Variants in PXDN observed in about 807,000 individuals in gnomAD.
PXDN encodes peroxidasin.
In PXDN, 77 loss-of-function variants were observed where a neutral mutation model predicts 140.3. That is an observed-to-expected ratio of 0.55 (90% CI 0.46 to 0.66). The LOEUF (loss-of-function observed/expected upper bound fraction) is 0.66, where lower values mean the gene tolerates loss of function less well. Ranked by LOEUF, PXDN falls within the 30% of genes least tolerant of loss-of-function variation. The pLI is 0.00. For synonymous variants in PXDN, 911 were observed against 857.4 expected, an observed-to-expected ratio of 1.06 and a Z score of -1.09; for missense variants, 1,838 against 2,039.5, an observed-to-expected ratio of 0.90 and a Z score of 1.90.
chr2:1,702,151 T>G (rs1004054311), intron 1 of PXDN, among the ~76,000 whole-genome samples: 1 of 152,168 alleles, frequency 6.6e-6, no homozygotes, highest in African/African-American at 2.4e-5. Context: ...CCTTTGGCTG[T>G]GAGGGTCATT....
chr2:1,634,382 A>C (rs1312360958), intron 22 of PXDN, 59 bp from the exon 23 acceptor site: 1 of 1,517,176 alleles, frequency 6.6e-7, no homozygotes, highest in Admixed American at 2.0e-5. Context: ...AGGTGAGCAA[A>C]GCCTGTCAGC....
At chr2:1,694,432 G>C (rs1288172359) in intron 1 of PXDN, among the ~76,000 whole-genome samples, 1 of 152,216 alleles carries the variant, frequency 6.6e-6, no homozygotes, top group East Asian at 1.9e-4. Flanking sequence ...CTAGATGTCA[G>C]TGAATGAAAT....
chr2:1,692,821 C>T (rs1019644163), intron 2 of PXDN, among the ~76,000 whole-genome samples: 5 of 152,168 alleles, frequency 3.3e-5, no homozygotes, highest in African/African-American at 1.2e-4. Context: ...ACAAGCTTAG[C>T]GGTCAGCATG....
Position 1,687,848 on chromosome 2 carries a change from A to T in PXDN, c.345-145T>A, listed in dbSNP as rs1684096878. ...CAAACAAACCATCTGCACGGTGAGT[A>T]CAGTGCCTCTCCCAAGGGCTTCCCT... On this transcript the variant is annotated intron_variant, in intron 3 of 22. Transcript: ENST00000252804. The surrounding 1 kb of genome is among the most constrained non-coding windows in gnomAD (Gnocchi z 4.0). The T allele has an allele frequency of 2.8e-5, 16 of 574,288 alleles. No homozygotes were observed. In the South Asian group the frequency reaches 4.9e-4, roughly 18 times the overall value. 35.6% of individuals were successfully genotyped at this position (574,288 alleles called of 1,614,324 possible).
intron 1 of PXDN, among the ~76,000 whole-genome samples, chr2:1,737,361 C>T (rs951033161): frequency 1.3e-5 from 2 of 152,092 alleles, no homozygotes; most frequent in African/African-American, 4.8e-5. Flanking sequence ...CGTATCTACG[C>T]CAGGATAATC....
intron 16 of PXDN, 171 bp downstream of exon 16, chr2:1,653,457 C>T (rs1683059181): frequency 6.9e-6 from 7 of 1,020,844 alleles, no homozygotes; most frequent in East Asian, 5.4e-5. Context: ...GTGAGAGCGA[C>T]AGGGCTGTAG....
intron 1 of PXDN, among the ~76,000 whole-genome samples, chr2:1,719,574 A>G (rs1684969668): frequency 6.6e-6 from 1 of 152,164 alleles, no homozygotes; most frequent in Admixed American, 6.5e-5. Context: ...TTCTCACCAC[A>G]GTCCTCCAGT....
intron 14 of PXDN, among the ~76,000 whole-genome samples, chr2:1,658,421 A>C (rs1683219488): frequency 6.6e-6 from 1 of 151,864 alleles, no homozygotes; most frequent in Non-Finnish European, 1.5e-5. Context: ...AGAGCCCAGC[A>C]GTCCCCCCAC....
chr2:1,649,962 G>C lies in PXDN; in HGVS notation c.2105-287C>G, dbSNP rs1250914626. Among the ~76,000 whole-genome samples the C allele has an allele frequency of 2.0e-5, 3 of 152,004 alleles. No individual in the cohort carries two copies. Among genetic ancestry groups the C allele is most frequent in the African/African-American group, 7.3e-5 (3 of 41,374 alleles). On this transcript the variant is annotated intron_variant, in intron 16 of 22. Coordinates refer to ENST00000252804, the MANE Select transcript of PXDN (RefSeq NM_012293.3). The surrounding 1 kb of genome is among the most constrained non-coding windows in gnomAD (Gnocchi z 7.1). ...AGCAGTCTCATGGTTTCAACCAGCA[G>C]CTCTCCTCTGGGAGACCCCTAACCG...
intron 6 of PXDN, 93 bp from the exon 7 acceptor site, chr2:1,680,455 A>G (rs1683871075): frequency 6.7e-7 from 1 of 1,487,852 alleles, no homozygotes; most frequent in Admixed American, 1.8e-5. Context: ...GCGTCGGGAA[A>G]CATGTGCCAG....
intron 5 of PXDN, 136 bp from the exon 6 acceptor site, chr2:1,683,863 T>C (rs1268999250): frequency 6.6e-6 from 6 of 913,034 alleles, no homozygotes; most frequent in African/African-American, 3.4e-5. Flanking sequence ...CAAATGAATC[T>C]GAAAACAAAA....
intron 1 of PXDN, among the ~76,000 whole-genome samples, chr2:1,705,588 C>T (rs1178379325): frequency 3.7e-5 from 5 of 134,376 alleles, no homozygotes; most frequent in Admixed American, 7.4e-5. Context: ...TGACCTGGAA[C>T]GCAGGGTGCA....
At chr2:1,684,361 G>A (rs1683997410) in intron 4 of PXDN, among the ~76,000 whole-genome samples, 1 of 152,174 alleles carries the variant, frequency 6.6e-6, no homozygotes, top group Non-Finnish European at 1.5e-5. Flanking sequence ...CCACCCTAGT[G>A]ACTGGATAAG....
At position 1,650,819 on chromosome 2, in the gene PXDN, GCTT is replaced by G. The variant is rs1682998915; in HGVS notation, c.2105-1147_2105-1145del. Among the ~76,000 whole-genome samples the G allele has an allele frequency of 2.6e-5, 4 of 152,148 alleles. No homozygotes were observed. In the South Asian group the frequency reaches 6.2e-4, roughly 24 times the overall value. On this transcript the variant is annotated intron_variant, in intron 16 of 22. Coordinates refer to ENST00000252804, the MANE Select transcript of PXDN (RefSeq NM_012293.3). Reference sequence around the variant, plus strand: ...ACTCACAGAGTTCCAAGCCATCACTGCTTCTTTTTTCTAAAGTTTCTCCAGCCC... The same window carrying G: ...ACTCACAGAGTTCCAAGCCATCACTGCTTTTTTCTAAAGTTTCTCCAGCCC...
chr2:1,738,957 C>T (rs1035557837), intron 1 of PXDN, among the ~76,000 whole-genome samples: 2 of 152,306 alleles, frequency 1.3e-5, no homozygotes, highest in Admixed American at 6.5e-5. Context: ...ATCTGTGCCA[C>T]GGAGGCTGCT....
At chr2:1,711,471 C>A in intron 1 of PXDN, among the ~76,000 whole-genome samples, 3 of 70,538 alleles carry the variant, frequency 4.3e-5, no homozygotes, top group South Asian at 6.9e-4. Context: ...CACCAGCACC[C>A]GCTCCACCAG....
intron 1 of PXDN, among the ~76,000 whole-genome samples, chr2:1,718,524 C>T (rs1328833264): frequency 2.0e-5 from 3 of 152,188 alleles, no homozygotes; most frequent in Admixed American, 1.3e-4. Flanking sequence ...ACCTACTACC[C>T]GAAGCTACTC....
chr2:1,735,508 T>C (rs1189662799), intron 1 of PXDN, among the ~76,000 whole-genome samples: 1 of 152,240 alleles, frequency 6.6e-6, no homozygotes, highest in Non-Finnish European at 1.5e-5. Flanking sequence ...GCATTCTCCA[T>C]CAGAGCTCTT....
chr2:1,733,637 G>A (rs1003188074), intron 1 of PXDN, among the ~76,000 whole-genome samples: 2 of 151,766 alleles, frequency 1.3e-5, no homozygotes, highest in African/African-American at 4.8e-5. Flanking sequence ...AGCTACTGAG[G>A]AGGCTGAGGC....
Sources: gnomAD v4.1 joint callset for allele counts (sites outside exome capture counted in the v4.1 genomes callset) on GRCh38, gnomAD v4.1.1 for gene constraint, Gnocchi (gnomAD v3.1) non-coding constraint, MANE v1.5 for transcripts, NCBI Gene and HGNC (gene_info 2026-07-23, HGNC 2026-07-21) for gene names.